The following DNAH6 variants were observed in gnomAD, a reference collection of about 807,000 sequenced individuals.
DNAH6 encodes axonemal beta dynein heavy chain 6.
DNAH6 carries 340 observed loss-of-function variants against 491.4 expected under a neutral mutation model. That is an observed-to-expected ratio of 0.69 (90% CI 0.63 to 0.76). The LOEUF is 0.76. Ranked by LOEUF, DNAH6 falls within the 30% of genes least tolerant of loss-of-function variation. The probability of loss-of-function intolerance (pLI) is 0.00; values close to 1 mark genes in which losing one functional copy is unlikely to be tolerated. For missense variants in DNAH6, 4,443 were observed against 4,972.2 expected (o/e 0.89, Z 3.20); for synonymous variants, 1,603 against 1,686.1 (o/e 0.95, Z 1.21).
intron 33 of DNAH6, among the ~76,000 whole-genome samples, chr2:84,644,616 GGTGT>G (rs1329300986): frequency 6.6e-6 from 1 of 151,864 alleles, no homozygotes. Context: ...CAACAGCTCT[GGTGT>G]GTGTTGTTCC....
At chr2:84,571,004 A>G (rs1681787510) in intron 11 of DNAH6, among the ~76,000 whole-genome samples, 1 of 152,184 alleles carries the variant, frequency 6.6e-6, no homozygotes, top group Non-Finnish European at 1.5e-5. Context: ...CCGGGGCTTC[A>G]TTCTTGAAGT....
intron 19 of DNAH6, 48 bp downstream of exon 19, chr2:84,604,599 A>G: frequency 7.1e-7 from 1 of 1,407,576 alleles, no homozygotes. Context: ...GGAATGTGAA[A>G]GTTTTCAGAT....
the DNAH6 span, among the ~76,000 whole-genome samples, chr2:84,475,611 C>CT: frequency 5.1e-4 from 77 of 152,282 alleles, no homozygotes; most frequent in African/African-American, 1.8e-3. Flanking sequence ...AAAGAGTAGC[C>CT]TTATGTAAGT....
intron 32 of DNAH6, among the ~76,000 whole-genome samples, chr2:84,641,338 C>G (rs1162859603): frequency 6.6e-6 from 1 of 152,170 alleles, no homozygotes; most frequent in East Asian, 1.9e-4. Context: ...ATCTTTTAAC[C>G]TCTCAGATAT....
chr2:84,713,481 C>G (rs1278601144), intron 57 of DNAH6, among the ~76,000 whole-genome samples: 2 of 152,230 alleles, frequency 1.3e-5, no homozygotes, highest in Non-Finnish European at 2.9e-5. Flanking sequence ...AGGTTGCAAG[C>G]CCCTACCCAC....
intron 63 of DNAH6, among the ~76,000 whole-genome samples, chr2:84,753,785 G>GT (rs1673714643): frequency 2.3e-5 from 3 of 127,902 alleles, no homozygotes; most frequent in African/African-American, 9.3e-5. Flanking sequence ...AAAAAGTACA[G>GT]TTTTGGCTCT....
chr2:84,698,396 G>A (rs1695585673), intron 47 of DNAH6, among the ~76,000 whole-genome samples: 1 of 152,192 alleles, frequency 6.6e-6, no homozygotes, highest in Non-Finnish European at 1.5e-5. Context: ...ATCATTGGAA[G>A]GGCCAAAGAA....
chr2:84,495,984 G>A, the DNAH6 span, among the ~76,000 whole-genome samples: 2 of 152,140 alleles, frequency 1.3e-5, no homozygotes, highest in African/African-American at 4.8e-5. Context: ...AGGCTGAAGA[G>A]ACATTAACTC....
chr2:84,567,855 T>C (rs1415110752), intron 11 of DNAH6, among the ~76,000 whole-genome samples: 3 of 152,040 alleles, frequency 2.0e-5, no homozygotes, highest in African/African-American at 7.2e-5. Flanking sequence ...TCAGACTGAA[T>C]AGACAACCTA....
At chr2:84,777,287 C>T (rs1378192421) in intron 64 of DNAH6, 1 of 246,148 alleles carries the variant, frequency 4.1e-6, no homozygotes, top group Non-Finnish European at 8.5e-6. Flanking sequence ...TTGGATTCCC[C>T]AAAGTGTAAA....
At chr2:84,480,431 A>G in the DNAH6 span, among the ~76,000 whole-genome samples, 4 of 152,200 alleles carry the variant, frequency 2.6e-5, no homozygotes, top group Non-Finnish European at 4.4e-5. Context: ...TCAGTTTTAT[A>G]TCTCACCTGG....
At chr2:84,701,074 C>G (rs1416227735) in intron 48 of DNAH6, 23 bp from the exon 49 acceptor site, 3 of 1,543,386 alleles carry the variant, frequency 1.9e-6, no homozygotes, top group Non-Finnish European at 2.6e-6. Flanking sequence ...AACAGATTTT[C>G]TAGATTTTTC....
intron 71 of DNAH6, among the ~76,000 whole-genome samples, chr2:84,806,821 G>A (rs1173946747): frequency 6.6e-6 from 1 of 152,128 alleles, no homozygotes; most frequent in Non-Finnish European, 1.5e-5. Context: ...AAGAAAAGGA[G>A]CCTTGTGGTT....
intron 64 of DNAH6, among the ~76,000 whole-genome samples, 184 bp downstream of exon 64, chr2:84,763,129 C>A (rs529053050): frequency 2.0e-5 from 3 of 151,996 alleles, no homozygotes; most frequent in Admixed American, 2.0e-4. Flanking sequence ...ATAAACGTAG[C>A]TGTAAATTTT....
chr2:84,603,584 C>T (rs941465726), intron 18 of DNAH6, among the ~76,000 whole-genome samples: 1 of 152,088 alleles, frequency 6.6e-6, no homozygotes, highest in African/African-American at 2.4e-5. Flanking sequence ...CTTCATCTTA[C>T]GAGGCACTGT....
rs80077123 is a variant in DNAH6 at position 84,589,054 on chromosome 2, G to A, written c.2610+100G>A. ...ATGTAACTGTAAACATTCAATATTT[G>A]GACAACTATGTGCTAGTCAGCATGC... On this transcript the variant is annotated intron_variant, in intron 16 of 76. Coordinates refer to ENST00000389394, the MANE Select transcript of DNAH6 (RefSeq NM_001370.2). 6,964 of 1,106,868 alleles carry A rather than the reference G, an allele frequency of 6.3e-3. 353 individuals carry two copies. In the African/African-American group the frequency reaches 0.1, roughly 16 times the overall value. 68.6% of individuals were successfully genotyped at this position (1,106,868 alleles called of 1,614,324 possible).
chr2:84,540,711 A>C (rs561139112), intron 4 of DNAH6, among the ~76,000 whole-genome samples: 1 of 152,272 alleles, frequency 6.6e-6, no homozygotes, highest in South Asian at 2.1e-4. Flanking sequence ...GGACACACAT[A>C]CTTTTAGAAG....
intron 63 of DNAH6, among the ~76,000 whole-genome samples, chr2:84,751,398 G>A (rs1033084960): frequency 6.6e-6 from 1 of 152,194 alleles, no homozygotes; most frequent in African/African-American, 2.4e-5. Context: ...TTGGGAGAAG[G>A]AGGATAGTCC....
chr2:84,768,884 T>C (rs1172258892), intron 64 of DNAH6, among the ~76,000 whole-genome samples: 1 of 152,220 alleles, frequency 6.6e-6, no homozygotes, highest in Non-Finnish European at 1.5e-5. Context: ...CCAGGTGTTA[T>C]ATCAGCAATG....
Sources: allele counts gnomAD v4.1 joint callset (sites outside exome capture counted in the v4.1 genomes callset), GRCh38; gene constraint gnomAD v4.1.1; transcripts MANE v1.5; gene names NCBI Gene and HGNC (gene_info 2026-07-23, HGNC 2026-07-21).